Variants in CSMD2 observed in about 807,000 individuals in gnomAD.
The protein encoded by CSMD2 is CUB and sushi domain-containing protein 2.
In CSMD2, 130 loss-of-function variants were observed where a neutral mutation model predicts 398.5. The ratio of observed to expected loss-of-function variants is 0.33; its 90% CI spans 0.28 to 0.38. The LOEUF is 0.38. CSMD2 is among the 10% of genes least tolerant of loss of function. CSMD2 has a pLI of 1.00. For missense variants in CSMD2, 3,829 were observed against 4,764.9 expected (o/e 0.80, Z 5.78); for synonymous variants, 1,828 against 1,908.5 (o/e 0.96, Z 1.10).
At chr1:33,580,004 G>T (rs1416471123) in intron 48 of CSMD2, among the ~76,000 whole-genome samples, 2 of 152,148 alleles carry the variant, frequency 1.3e-5, no homozygotes, top group African/African-American at 2.4e-5. Flanking sequence ...TTAGAAATTT[G>T]TTCATTGTTT....
intron 19 of CSMD2, among the ~76,000 whole-genome samples, chr1:33,717,991 T>C (rs934361854): frequency 6.6e-6 from 1 of 152,132 alleles, no homozygotes; most frequent in Non-Finnish European, 1.5e-5. Flanking sequence ...CCCTGTCCCT[T>C]GGAAGGGAGA....
At chr1:33,711,589 G>C (rs555258759) in intron 21 of CSMD2, among the ~76,000 whole-genome samples, 2 of 152,202 alleles carry the variant, frequency 1.3e-5, no homozygotes. Context: ...TTCTGGGACT[G>C]GCAGAAAGCC....
intron 2 of CSMD2, among the ~76,000 whole-genome samples, chr1:34,076,762 C>T (rs113853219): frequency 2.6e-4 from 40 of 151,348 alleles, no homozygotes; most frequent in African/African-American, 9.0e-4. Flanking sequence ...GATCTTGATA[C>T]ACCCCGTTTA....
chr1:33,572,291 G>C (rs978917306), intron 50 of CSMD2, among the ~76,000 whole-genome samples: 2 of 152,062 alleles, frequency 1.3e-5, no homozygotes, highest in African/African-American at 4.8e-5. Context: ...TAAGTTCCAT[G>C]GTGGTTTGTG....
chr1:33,941,317 T>TG (rs1558137170), intron 3 of CSMD2, among the ~76,000 whole-genome samples: 11 of 152,388 alleles, frequency 7.2e-5, no homozygotes, highest in Non-Finnish European at 1.6e-4. Context: ...AATTTGAGAC[T>TG]TTGGTTCCCT....
Position 33,979,399 on chromosome 1 carries a change from C to T in CSMD2, c.518-43445G>A, listed in dbSNP as rs144798585. Among the ~76,000 whole-genome samples the T allele has an allele frequency of 7.3e-3, 1,112 of 152,268 alleles. 22 individuals carry two copies. The highest frequency in any genetic ancestry group is 0.025 in the African/African-American group (1,057 of 41,556). The stretch of plus-strand genomic sequence containing the variant: ...TGGGACAGAGATGAAGGAGGCATTT[C>T]GGCTACCATCCAAAGCGTCGTCAAC... On this transcript the variant is annotated intron_variant, in intron 3 of 70. Transcript: ENST00000373381.
intron 3 of CSMD2, among the ~76,000 whole-genome samples, chr1:33,975,834 C>T (rs1333594640): frequency 6.6e-6 from 1 of 152,182 alleles, no homozygotes; most frequent in East Asian, 1.9e-4. Flanking sequence ...CTCTGCTTCC[C>T]TCTTGATAGG....
chr1:34,144,557 G>A (rs1461820245), intron 1 of CSMD2, among the ~76,000 whole-genome samples: 1 of 152,196 alleles, frequency 6.6e-6, no homozygotes, highest in African/African-American at 2.4e-5. Flanking sequence ...GTGAATGAGT[G>A]GGTAACTTCT....
At chr1:33,705,765 C>G (rs1287829192) in intron 22 of CSMD2, among the ~76,000 whole-genome samples, 2 of 151,522 alleles carry the variant, frequency 1.3e-5, no homozygotes, top group African/African-American at 4.9e-5. Context: ...GAAAAAGGGT[C>G]TCACTTTGTC....
intron 48 of CSMD2, among the ~76,000 whole-genome samples, 177 bp from the exon 49 acceptor site, chr1:33,577,661 G>T (rs1638379873): frequency 6.6e-6 from 1 of 152,122 alleles, no homozygotes; most frequent in South Asian, 2.1e-4. Context: ...AGTCAGGTTG[G>T]TAAAGCCGAA....
intron 13 of CSMD2, among the ~76,000 whole-genome samples, chr1:33,759,791 G>A (rs892552808): frequency 2.0e-5 from 3 of 152,146 alleles, no homozygotes; most frequent in Non-Finnish European, 4.4e-5. Context: ...GGGTACCCAC[G>A]TAACATATTG....
intron 2 of CSMD2, among the ~76,000 whole-genome samples, chr1:34,085,247 G>A (rs993507971): frequency 4.6e-5 from 7 of 152,090 alleles, no homozygotes; most frequent in African/African-American, 1.7e-4. Context: ...GGGTTAGGGG[G>A]GAGGGATAGC....
At chr1:34,158,099 A>G (rs2148575409) in intron 1 of CSMD2, among the ~76,000 whole-genome samples, 1 of 152,302 alleles carries the variant, frequency 6.6e-6, no homozygotes, top group Non-Finnish European at 1.5e-5. Context: ...GTCCAGGGGA[A>G]AAATAAATAT....
intron 3 of CSMD2, among the ~76,000 whole-genome samples, chr1:34,019,345 T>G (rs940983041): frequency 2.2e-4 from 34 of 152,328 alleles, no homozygotes; most frequent in African/African-American, 6.7e-4. Context: ...CATTCATCTA[T>G]TCAGCAAGAC....
chr1:33,631,988 G>A (rs1266006888), intron 32 of CSMD2, among the ~76,000 whole-genome samples: 1 of 151,776 alleles, frequency 6.6e-6, no homozygotes, highest in African/African-American at 2.4e-5. Context: ...AACTAAAAAA[G>A]GAATAAATAG....
At chr1:33,905,100 C>T (rs1643007161) in intron 5 of CSMD2, among the ~76,000 whole-genome samples, 1 of 152,038 alleles carries the variant, frequency 6.6e-6, no homozygotes, top group Non-Finnish European at 1.5e-5. Flanking sequence ...CCACTGTGCC[C>T]AGCGATATGT....
chr1:33,982,002 G>A (rs933418778), intron 3 of CSMD2, among the ~76,000 whole-genome samples: 8 of 152,204 alleles, frequency 5.3e-5, no homozygotes, highest in Admixed American at 6.5e-5. Context: ...GCTGATTTGT[G>A]CCGAGGGCAT....
rs568248243 is a variant in CSMD2, at chr1:33,641,507, A to C, written c.4775-4953T>G. On this transcript the variant is annotated intron_variant, in intron 29 of 70. Transcript: ENST00000373381. The stretch of plus-strand genomic sequence containing the variant: ...CCATTTTGGTAACTGTATCCAAAAC[A>C]CAGGATCCCTGCTGTTCTTTGTTTC... Among the ~76,000 whole-genome samples the C allele has an allele frequency of 9.8e-4, 150 of 152,324 alleles. 1 individual carries two copies. Among genetic ancestry groups the C allele is most frequent in the Non-Finnish European group, 1.6e-3 (112 of 68,028 alleles).
At position 33,602,380 on chromosome 1, in the gene CSMD2, G is replaced by A; in HGVS notation, c.6699C>T (p.Phe2233=). The change falls in exon 43 of 71, where the codon TTC becomes TTT. Residue 2233 remains phenylalanine (F), a synonymous_variant. Transcript: ENST00000373381. ...SLLQTEPSGD[F]ITIWDGPQQT... ...GGCACCTGGCCTACCAGATGGTGAT[G>A]AAATCTCCAGAGGGCTCTGTCTGCA... The A allele has an allele frequency of 1.2e-6, 2 of 1,613,882 alleles. No individual in the cohort carries two copies. The highest frequency in any genetic ancestry group is 1.7e-6 in the Non-Finnish European group (2 of 1,179,938).
Sources: allele counts gnomAD v4.1 joint callset (sites outside exome capture counted in the v4.1 genomes callset), GRCh38; gene constraint gnomAD v4.1.1; transcripts MANE v1.5; gene names NCBI Gene and HGNC (gene_info 2026-07-23, HGNC 2026-07-21).